The following GLB1L2 variants were observed in gnomAD, a reference collection of about 807,000 sequenced individuals.
The protein encoded by GLB1L2 is galactosidase beta 1 like 2.
GLB1L2 carries 68 observed loss-of-function variants against 84.1 expected under a neutral mutation model. That is an observed-to-expected ratio of 0.81 (90% CI 0.67 to 0.99). The LOEUF (loss-of-function observed/expected upper bound fraction) is 0.99, where lower values mean the gene tolerates loss of function less well. Among genes scored for constraint, GLB1L2 ranks in the 50% least tolerant of loss-of-function variants. GLB1L2 has a pLI of 0.00. For missense variants in GLB1L2, 762 were observed against 805.6 expected, an observed-to-expected ratio of 0.95 and a Z score of 0.66; for synonymous variants, 290 against 318.0, an observed-to-expected ratio of 0.91 and a Z score of 0.94.
chr11:134,371,296 G>A lies in GLB1L2; in HGVS notation c.1357-125G>A, dbSNP rs556373294. The A allele has an allele frequency of 6.2e-4, 762 of 1,237,930 alleles. 2 individuals carry two copies. Among genetic ancestry groups the A allele is most frequent in the Non-Finnish European group, 8.7e-4 (733 of 843,594 alleles). 76.7% of individuals were successfully genotyped at this position (1,237,930 alleles called of 1,614,324 possible). On this transcript the variant is annotated intron_variant, in intron 13 of 18. Transcript: ENST00000535456. The stretch of plus-strand genomic sequence containing the variant: ...CTGTGAGCCTTCAGGGGGCATTCAT[G>A]TCTGCTCTGCCCACTGGCCCCTCGT...
intron 7 of GLB1L2, among the ~76,000 whole-genome samples, chr11:134,364,024 T>C (rs1943833199): frequency 6.6e-6 from 1 of 152,176 alleles, no homozygotes; most frequent in South Asian, 2.1e-4. Flanking sequence ...ATTACAGGCA[T>C]GCACCACCAA....
chr11:134,362,021 CGT>C (rs921748731), intron 7 of GLB1L2, among the ~76,000 whole-genome samples: 7 of 152,192 alleles, frequency 4.6e-5, no homozygotes, highest in Admixed American at 3.9e-4. Context: ...GCGGGTTGTG[CGT>C]GTCTTTCGTG....
chr11:134,337,945 C>T (rs554994807), intron 1 of GLB1L2, among the ~76,000 whole-genome samples: 2 of 152,282 alleles, frequency 1.3e-5, no homozygotes, highest in South Asian at 2.1e-4. Flanking sequence ...TATGTGAACA[C>T]GTTATGTTAT....
In GLB1L2 at chr11:134,338,497, C is replaced by G. The variant is rs559110778; in HGVS notation, c.87-4257C>G. The stretch of plus-strand genomic sequence containing the variant: ...GCTCATCTGCCCTTTTCCATCCACT[C>G]ACATCCGGGAGCACTTTTTACTACA... On this transcript the variant is annotated intron_variant, in intron 1 of 18. Coordinates refer to ENST00000535456, the MANE Select transcript of GLB1L2 (RefSeq NM_001370461.1). The surrounding 1 kb of genome is among the most constrained non-coding windows in gnomAD (Gnocchi z 6.2). Among the ~76,000 whole-genome samples the G allele has an allele frequency of 2.0e-5, 3 of 152,118 alleles. No homozygotes were observed. Among genetic ancestry groups the G allele is most frequent in the African/African-American group, 7.2e-5 (3 of 41,396 alleles).
In GLB1L2 at chr11:134,347,444, A is replaced by T. The variant is rs774878770; in HGVS notation, c.558+11A>T. On this transcript the variant is annotated intron_variant, in intron 5 of 18. Coordinates refer to ENST00000535456, the MANE Select transcript of GLB1L2 (RefSeq NM_001370461.1). Reference sequence around the variant, plus strand: ...GTGGTGCCACTCCAGGTACAAGCAAATGGGGTCTTCTTTGATCTTGGTCTG... The same window carrying T: ...GTGGTGCCACTCCAGGTACAAGCAATTGGGGTCTTCTTTGATCTTGGTCTG... The T allele has an allele frequency of 6.4e-7, 1 of 1,565,994 alleles. No individual in the cohort carries two copies. Among genetic ancestry groups the T allele is most frequent in the Non-Finnish European group, 8.8e-7 (1 of 1,136,246 alleles).
At chr11:134,373,972 C>T (rs1412102391) in intron 16 of GLB1L2, among the ~76,000 whole-genome samples, 164 bp downstream of exon 16, 3 of 152,200 alleles carry the variant, frequency 2.0e-5, no homozygotes, top group East Asian at 1.9e-4. Context: ...CACTAGAAGC[C>T]GCATTTGCAG....
intron 10 of GLB1L2, 113 bp downstream of exon 10, chr11:134,368,894 A>G (rs1943902568): frequency 5.4e-6 from 6 of 1,111,676 alleles, no homozygotes; most frequent in Admixed American, 2.1e-5. Flanking sequence ...CTTTGGCAAT[A>G]GAGTACCTGG....
In GLB1L2 at chr11:134,363,275, A is replaced by T. The variant is rs572094987; in HGVS notation, c.734-1053A>T. Among the ~76,000 whole-genome samples, 261 of 152,234 alleles carry T rather than the reference A, an allele frequency of 1.7e-3. 1 individual carries two copies. The highest frequency in any genetic ancestry group is 0.014 in the Middle Eastern group (4 of 294). Reference sequence around the variant, plus strand: ...CCGCTACCTGAGGCCAATTATTGTGACCTAGAGGCAAGTTATTTCACTTCC... The same window carrying T: ...CCGCTACCTGAGGCCAATTATTGTGTCCTAGAGGCAAGTTATTTCACTTCC... On this transcript the variant is annotated intron_variant, in intron 7 of 18. Coordinates refer to ENST00000535456, the MANE Select transcript of GLB1L2 (RefSeq NM_001370461.1).
At chr11:134,362,637 G>A (rs763507722) in intron 7 of GLB1L2, among the ~76,000 whole-genome samples, 37 of 152,246 alleles carry the variant, frequency 2.4e-4, no homozygotes, top group Non-Finnish European at 4.8e-4. Context: ...GGCCAGGCCG[G>A]CGGTGGACAG....
At position 134,334,641 on chromosome 11, in the gene GLB1L2, C is replaced by T. The variant is rs1022531668; in HGVS notation, c.86+2494C>T. On this transcript the variant is annotated intron_variant, in intron 1 of 18. Coordinates refer to ENST00000535456, the MANE Select transcript of GLB1L2 (RefSeq NM_001370461.1). The surrounding 1 kb of genome is among the most constrained non-coding windows in gnomAD (Gnocchi z 4.1). Reference sequence around the variant, plus strand: ...CCAAAGTTTCCATGTACCTCTCTGTCATCCCTCCCTCCTACTCCTCCCTGC... The same window carrying T: ...CCAAAGTTTCCATGTACCTCTCTGTTATCCCTCCCTCCTACTCCTCCCTGC... Among the ~76,000 whole-genome samples the T allele has an allele frequency of 1.3e-5, 2 of 152,122 alleles. No individual in the cohort carries two copies. Among genetic ancestry groups the T allele is most frequent in the African/African-American group, 4.8e-5 (2 of 41,402 alleles).
intron 8 of GLB1L2, 156 bp downstream of exon 8, chr11:134,364,554 G>A (rs1024950257): frequency 3.1e-6 from 2 of 642,816 alleles, no homozygotes; most frequent in South Asian, 1.8e-5. Context: ...TGCCTGCAAG[G>A]CCCGCTGCCC....
At position 134,368,686 on chromosome 11, in the gene GLB1L2, C is replaced by T. The variant is rs201643519; in HGVS notation, c.932C>T (p.Ser311Phe). 1 of 1,613,986 alleles carries T rather than the reference C, an allele frequency of 6.2e-7. No individual in the cohort carries two copies. The highest frequency in any genetic ancestry group is 8.5e-7 in the Non-Finnish European group (1 of 1,180,018). Residue 311 changes from serine (S) to phenylalanine (F), a missense_variant, in exon 10 of 19, where the codon TCC becomes TTC. Coordinates refer to ENST00000535456, the MANE Select transcript of GLB1L2 (RefSeq NM_001370461.1). ...TVSAIVDAGS[S>F]INLYMFHGGT... is the part of the protein sequence containing the mutation. ...TCTGCCATTGTGGACGCCGGCTCCTCCATCAACCTCTACATGTTCCACGGA... is the reference window on the plus strand; with the variant it reads ...TCTGCCATTGTGGACGCCGGCTCCTTCATCAACCTCTACATGTTCCACGGA...
chr11:134,366,620 C>T (rs1331952415), intron 8 of GLB1L2, among the ~76,000 whole-genome samples: 9 of 152,126 alleles, frequency 5.9e-5, no homozygotes, highest in South Asian at 2.1e-4. Context: ...TCCTTGGGGC[C>T]GTCCTATGCC....
At chr11:134,362,635 C>T (rs1383890861) in intron 7 of GLB1L2, among the ~76,000 whole-genome samples, 20 of 152,180 alleles carry the variant, frequency 1.3e-4, no homozygotes, top group East Asian at 1.9e-4. Flanking sequence ...TGGGCCAGGC[C>T]GGCGGTGGAC....
At chr11:134,373,843 CAGGTAT>C (rs1410025847) in intron 16 of GLB1L2, 35 bp downstream of exon 16, 29 of 1,423,944 alleles carry the variant, frequency 2.0e-5, no homozygotes, top group Non-Finnish European at 2.9e-5. Context: ...CTTGCACTCA[CAGGTAT>C]AGTGCTGTGT....
chr11:134,358,288 A>G (rs79841002), intron 6 of GLB1L2, among the ~76,000 whole-genome samples: 6,888 of 152,308 alleles, frequency 0.045, 521 homozygotes, highest in East Asian at 0.32. Flanking sequence ...CCACGTTGCC[A>G]TGGGCCCTGT....
At chr11:134,374,381 C>A in intron 17 of GLB1L2, 125 bp downstream of exon 17, 1 of 840,190 alleles carries the variant, frequency 1.2e-6, no homozygotes, top group South Asian at 1.5e-5. Context: ...TCTGAGAGGG[C>A]CGCTGGGGCC....
Position 134,375,227 on chromosome 11 carries a change from G to T in GLB1L2, c.*169G>T. Reference sequence around the variant, plus strand: ...TGTCTCAGCTCAAAACCCTAAGCCTGCAGGGAAAGGTGGGATGGCTCTGGG... The same window carrying T: ...TGTCTCAGCTCAAAACCCTAAGCCTTCAGGGAAAGGTGGGATGGCTCTGGG... On this transcript the variant is annotated 3_prime_UTR_variant, in exon 19 of 19. Coordinates refer to ENST00000535456, the MANE Select transcript of GLB1L2 (RefSeq NM_001370461.1). The T allele has an allele frequency of 3.4e-6, 2 of 582,064 alleles. No individual in the cohort carries two copies. Among genetic ancestry groups the T allele is most frequent in the Non-Finnish European group, 6.1e-6 (2 of 328,530 alleles). 36.1% of individuals were successfully genotyped at this position (582,064 alleles called of 1,614,324 possible).
At chr11:134,336,099 C>A (rs11223758) in intron 1 of GLB1L2, among the ~76,000 whole-genome samples, 1 of 152,154 alleles carries the variant, frequency 6.6e-6, no homozygotes, top group South Asian at 2.1e-4. Context: ...CTCCTGCTAA[C>A]GAGGTAGATA....
Sources: gnomAD v4.1 joint callset for allele counts (sites outside exome capture counted in the v4.1 genomes callset) on GRCh38, gnomAD v4.1.1 for gene constraint, Gnocchi (gnomAD v3.1) non-coding constraint, MANE v1.5 for transcripts, NCBI Gene and HGNC (gene_info 2026-07-23, HGNC 2026-07-21) for gene names.